Variants in NBEA observed in about 807,000 individuals in gnomAD.
NBEA encodes the protein lysosomal-trafficking regulator 2.
In NBEA, 44 loss-of-function variants were observed where a neutral mutation model predicts 343.4. The ratio of observed to expected loss-of-function variants is 0.13; its 90% CI spans 0.10 to 0.16. The LOEUF (loss-of-function observed/expected upper bound fraction) is 0.16, where lower values mean the gene tolerates loss of function less well. NBEA is among the 10% of genes least tolerant of loss of function. The pLI is 1.00. For missense variants in NBEA, 2,555 were observed against 3,631.3 expected (o/e 0.70, Z 7.62); for synonymous variants, 1,175 against 1,238.7 (o/e 0.95, Z 1.08).
chr13:35,173,398 C>A, intron 26 of NBEA, 66 bp from the exon 27 acceptor site: 2 of 1,380,960 alleles, frequency 1.4e-6, no homozygotes, highest in Non-Finnish European at 1.9e-6. Context: ...AATAAACTTG[C>A]AACTTTTTCC....
chr13:35,189,875 C>G (rs2072043404), intron 30 of NBEA, among the ~76,000 whole-genome samples: 1 of 152,006 alleles, frequency 6.6e-6, no homozygotes, highest in Non-Finnish European at 1.5e-5. Flanking sequence ...GCTGTTAATT[C>G]AAGAAAAACT....
chr13:35,101,725 T>G (rs534995143), intron 11 of NBEA, among the ~76,000 whole-genome samples: 2 of 151,944 alleles, frequency 1.3e-5, no homozygotes, highest in South Asian at 4.2e-4. Context: ...TATCTTCTTT[T>G]GTTAAATACC....
intron 17 of NBEA, among the ~76,000 whole-genome samples, chr13:35,137,030 A>C (rs946041692): frequency 6.6e-6 from 1 of 152,246 alleles, no homozygotes; most frequent in Non-Finnish European, 1.5e-5. Context: ...GAGGATGGTA[A>C]TTATCTGTCT....
Position 35,598,210 on chromosome 13 carries a change from G to A in NBEA, c.7296+4763G>A, listed in dbSNP as rs118002291. Among the ~76,000 whole-genome samples, 198 of 152,190 alleles carry A rather than the reference G, an allele frequency of 1.3e-3. 3 individuals carry two copies. In the East Asian group the frequency reaches 0.036, roughly 28 times the overall value. Reference sequence around the variant, plus strand: ...TGGTAAGACAGAACAGTTAAACTTCGGTAGAAACTCCATTCAGAAGGGGGA... The same window carrying A: ...TGGTAAGACAGAACAGTTAAACTTCAGTAGAAACTCCATTCAGAAGGGGGA... On this transcript the variant is annotated intron_variant, in intron 47 of 58. Transcript: ENST00000379939.
intron 34 of NBEA, among the ~76,000 whole-genome samples, chr13:35,238,552 C>T (rs922554082): frequency 2.0e-5 from 3 of 152,178 alleles, no homozygotes; most frequent in African/African-American, 7.2e-5. Context: ...ACTATAGTCA[C>T]TTAACTTATC....
chr13:35,390,850 G>A (rs914471878), intron 38 of NBEA, among the ~76,000 whole-genome samples: 7 of 151,610 alleles, frequency 4.6e-5, no homozygotes, highest in Admixed American at 4.6e-4. Flanking sequence ...TTTATATTTT[G>A]TGTTATCAGT....
At chr13:35,467,438 C>G (rs530571743) in intron 40 of NBEA, among the ~76,000 whole-genome samples, 3 of 151,660 alleles carry the variant, frequency 2.0e-5, no homozygotes, top group African/African-American at 7.3e-5. Flanking sequence ...TGCCACTGCA[C>G]TCCAGCCTGG....
intron 24 of NBEA, among the ~76,000 whole-genome samples, chr13:35,166,431 C>T (rs1395287069): frequency 6.6e-6 from 1 of 152,108 alleles, no homozygotes; most frequent in African/African-American, 2.4e-5. Flanking sequence ...TATTACGATT[C>T]AATTTTGACC....
intron 8 of NBEA, among the ~76,000 whole-genome samples, chr13:35,066,347 A>G (rs1175837451): frequency 6.6e-6 from 1 of 152,020 alleles, no homozygotes; most frequent in Non-Finnish European, 1.5e-5. Flanking sequence ...TTTTTGTTCA[A>G]ATCTTCAGTT....
intron 17 of NBEA, among the ~76,000 whole-genome samples, chr13:35,135,051 A>C (rs2152688877): frequency 6.6e-6 from 1 of 152,172 alleles, no homozygotes; most frequent in East Asian, 1.9e-4. Context: ...TCAATTAAAA[A>C]ATGGGAAGGG....
chr13:35,202,657 C>G (rs1163614537), intron 31 of NBEA, among the ~76,000 whole-genome samples: 1 of 152,108 alleles, frequency 6.6e-6, no homozygotes, highest in Admixed American at 6.6e-5. Flanking sequence ...CTTTGGCCAT[C>G]TCATCCACTC....
At chr13:35,498,127 T>G (rs2076750876) in intron 41 of NBEA, among the ~76,000 whole-genome samples, 1 of 152,076 alleles carries the variant, frequency 6.6e-6, no homozygotes, top group Admixed American at 6.6e-5. Context: ...AGACATTTTC[T>G]TAGGCACTAA....
intron 1 of NBEA, among the ~76,000 whole-genome samples, chr13:35,029,634 T>C (rs1248780537): frequency 1.3e-5 from 2 of 151,604 alleles, no homozygotes; most frequent in Admixed American, 1.3e-4. Context: ...ATAATGAACA[T>C]TGAATTATTG....
chr13:35,282,713 CTCAT>C (rs2035136521), intron 34 of NBEA, among the ~76,000 whole-genome samples: 2 of 152,104 alleles, frequency 1.3e-5, no homozygotes, highest in Admixed American at 1.3e-4. Flanking sequence ...ATAAAAGTAT[CTCAT>C]TCAATTTCAA....
At chr13:35,580,173 G>A (rs555336085) in intron 45 of NBEA, among the ~76,000 whole-genome samples, 1 of 151,982 alleles carries the variant, frequency 6.6e-6, no homozygotes, top group South Asian at 2.1e-4. Context: ...ATTTGTTAAA[G>A]TGTTCACCTG....
intron 49 of NBEA, among the ~76,000 whole-genome samples, chr13:35,639,662 T>C (rs764919616): frequency 2.0e-5 from 3 of 152,174 alleles, no homozygotes; most frequent in Non-Finnish European, 2.9e-5. Flanking sequence ...AAAATCTTTT[T>C]CTGTTTTCTC....
chr13:35,373,464 G>A (rs2041560928), intron 38 of NBEA, among the ~76,000 whole-genome samples: 1 of 152,136 alleles, frequency 6.6e-6, no homozygotes, highest in South Asian at 2.1e-4. Flanking sequence ...CCAGCACTTT[G>A]GGAGATCGAG....
At chr13:35,031,951 C>T (rs183699573) in intron 1 of NBEA, among the ~76,000 whole-genome samples, 8 of 151,846 alleles carry the variant, frequency 5.3e-5, no homozygotes, top group Admixed American at 1.3e-4. Context: ...GCCTCCAGCT[C>T]CATCCATATC....
intron 1 of NBEA, among the ~76,000 whole-genome samples, chr13:35,009,875 A>G (rs1361687686): frequency 1.3e-5 from 2 of 152,200 alleles, no homozygotes; most frequent in Non-Finnish European, 2.9e-5. Flanking sequence ...GAAGGTACAG[A>G]CAACCCAGTT....
Sources: gnomAD v4.1 joint callset for allele counts (sites outside exome capture counted in the v4.1 genomes callset) on GRCh38, gnomAD v4.1.1 for gene constraint, MANE v1.5 for transcripts, NCBI Gene and HGNC (gene_info 2026-07-23, HGNC 2026-07-21) for gene names.